Variants in SNX2 observed in about 807,000 individuals in gnomAD.
SNX2 encodes the protein sorting nexin-2.
In SNX2, 25 loss-of-function variants were observed where a neutral mutation model predicts 69.9. The ratio of observed to expected loss-of-function variants is 0.36; its 90% CI spans 0.26 to 0.50. The LOEUF is 0.50. SNX2 is among the 20% of genes least tolerant of loss of function. SNX2 has a pLI of 0.97. For synonymous variants in SNX2, 229 were observed against 200.4 expected, an observed-to-expected ratio of 1.14 and a Z score of -1.20; for missense variants, 551 against 613.3, an observed-to-expected ratio of 0.90 and a Z score of 1.07.
At chr5:122,783,595 A>G (rs997984455) in intron 1 of SNX2, among the ~76,000 whole-genome samples, 2 of 152,136 alleles carry the variant, frequency 1.3e-5, no homozygotes, top group African/African-American at 4.8e-5. Flanking sequence ...TGAACTGACC[A>G]TATATATGTG....
chr5:122,781,862 A>G (rs1378609863), intron 1 of SNX2, among the ~76,000 whole-genome samples: 2 of 151,984 alleles, frequency 1.3e-5, no homozygotes, highest in Non-Finnish European at 2.9e-5. Context: ...ATTTTTATTA[A>G]TGTTATAAAT....
At chr5:122,775,774 T>C in intron 1 of SNX2, 1 of 985,296 alleles carries the variant, frequency 1.0e-6, no homozygotes, top group Non-Finnish European at 1.2e-6. Flanking sequence ...TAAATGCATT[T>C]GCCTCTTTTT....
At chr5:122,826,686 C>G in intron 12 of SNX2, 1 of 961,968 alleles carries the variant, frequency 1.0e-6, no homozygotes, top group Non-Finnish European at 1.2e-6. Flanking sequence ...ATAAATGTAC[C>G]TGCCCTTTGA....
chr5:122,832,146 G>A lies in SNX2; in HGVS notation c.*2498G>A, dbSNP rs1049904312. Among the ~76,000 whole-genome samples the A allele has an allele frequency of 3.9e-5, 6 of 152,282 alleles. No homozygotes were observed. Among genetic ancestry groups the A allele is most frequent in the African/African-American group, 9.6e-5 (4 of 41,562 alleles). On this transcript the variant is annotated 3_prime_UTR_variant, in exon 15 of 15. Transcript: ENST00000379516. ...GTTTGTTTTCTTAATGAGATCAAAA[G>A]TTAAAGACCAAGGCAGCAAAATATT... is the stretch of plus-strand genomic sequence containing the variant.
intron 2 of SNX2, among the ~76,000 whole-genome samples, chr5:122,798,016 A>G (rs1753423108): frequency 1.3e-5 from 2 of 152,126 alleles, no homozygotes; most frequent in Non-Finnish European, 1.5e-5. Context: ...TTTCTTAATA[A>G]AGTTACTATC....
At position 122,816,910 on chromosome 5, in the gene SNX2, T is replaced by G. The variant is rs749737561; in HGVS notation, c.799-5T>G. The G allele has an allele frequency of 1.3e-6, 2 of 1,592,536 alleles. No homozygotes were observed. Among genetic ancestry groups the G allele is most frequent in the South Asian group, 2.2e-5 (2 of 89,756 alleles). On this transcript the variant is annotated splice_polypyrimidine_tract_variant and splice_region_variant and intron_variant, in intron 8 of 14. Coordinates refer to ENST00000379516, the MANE Select transcript of SNX2 (RefSeq NM_003100.4). ...TGTTTGCCCTTATTTGTCATTCAATTCCAGCTGCCTAGAGCAGTTAATACA... is the reference window on the plus strand; with the variant it reads ...TGTTTGCCCTTATTTGTCATTCAATGCCAGCTGCCTAGAGCAGTTAATACA...
intron 14 of SNX2, chr5:122,827,997 A>G: frequency 5.6e-6 from 1 of 178,682 alleles, no homozygotes; most frequent in East Asian, 1.5e-4. Flanking sequence ...TTCCATAACA[A>G]ATAGAACTTA....
chr5:122,783,230 C>G (rs1753015353), intron 1 of SNX2, among the ~76,000 whole-genome samples: 1 of 152,142 alleles, frequency 6.6e-6, no homozygotes, highest in Admixed American at 6.5e-5. Flanking sequence ...TAGGCGTGAG[C>G]CACCGCGCCT....
chr5:122,825,369 C>T (rs1037374764), intron 11 of SNX2, among the ~76,000 whole-genome samples: 5 of 151,952 alleles, frequency 3.3e-5, no homozygotes, highest in Non-Finnish European at 7.4e-5. Context: ...TTTCTCTATT[C>T]ACTTGCCCTT....
intron 5 of SNX2, among the ~76,000 whole-genome samples, chr5:122,803,152 G>T (rs1005198553): frequency 1.3e-5 from 2 of 152,128 alleles, no homozygotes; most frequent in African/African-American, 2.4e-5. Flanking sequence ...AAGTGGAGGG[G>T]TATTTGGATA....
At chr5:122,817,157 T>G (rs1753918145) in intron 9 of SNX2, 123 bp from the exon 10 acceptor site, 1 of 1,127,880 alleles carries the variant, frequency 8.9e-7, no homozygotes, top group Admixed American at 1.9e-5. Context: ...CCACATCAGT[T>G]GGCCACCATG....
At chr5:122,808,458 C>CAAGTGGTACTTTGGAA in intron 7 of SNX2, 103 bp downstream of exon 7, 1 of 778,404 alleles carries the variant, frequency 1.3e-6, no homozygotes, top group Non-Finnish European at 2.0e-6. Flanking sequence ...AAATTTTTTC[C>CAAGTGGTACTTTGGAA]AAAGTACCAC....
chr5:122,801,499 A>T (rs568500912), intron 3 of SNX2, among the ~76,000 whole-genome samples: 6 of 151,646 alleles, frequency 4.0e-5, no homozygotes, highest in African/African-American at 1.5e-4. Flanking sequence ...CAGCTACTTG[A>T]GAGGCCAAGG....
intron 3 of SNX2, among the ~76,000 whole-genome samples, chr5:122,801,534 G>A (rs1057337029): frequency 6.6e-6 from 1 of 151,720 alleles, no homozygotes; most frequent in Non-Finnish European, 1.5e-5. Context: ...GAACCCAGGA[G>A]GTGGAGGTTG....
At chr5:122,792,404 A>G (rs1204540987) in intron 1 of SNX2, among the ~76,000 whole-genome samples, 1 of 152,106 alleles carries the variant, frequency 6.6e-6, no homozygotes, top group African/African-American at 2.4e-5. Context: ...GATCAGCCTC[A>G]CCAACATGGT....
intron 6 of SNX2, among the ~76,000 whole-genome samples, chr5:122,807,032 T>C (rs918024473): frequency 8.5e-5 from 13 of 152,182 alleles, no homozygotes; most frequent in Admixed American, 7.2e-4. Flanking sequence ...ATGCCTGTAA[T>C]CCTAGCACTT....
At chr5:122,803,655 C>T in intron 6 of SNX2, 42 bp downstream of exon 6, 1 of 1,500,514 alleles carries the variant, frequency 6.7e-7, no homozygotes, top group South Asian at 1.3e-5. Flanking sequence ...GTTACTGTTA[C>T]TAGTTCAGTT....
At chr5:122,816,872 C>T (rs1461869291) in intron 8 of SNX2, 43 bp from the exon 9 acceptor site, 1 of 1,229,776 alleles carries the variant, frequency 8.1e-7, no homozygotes, top group South Asian at 1.3e-5. Flanking sequence ...AACCTCCAGG[C>T]TTTTAACCGG....
At chr5:122,819,864 G>A (rs532578166) in intron 11 of SNX2, among the ~76,000 whole-genome samples, 1 of 152,056 alleles carries the variant, frequency 6.6e-6, no homozygotes, top group Non-Finnish European at 1.5e-5. Flanking sequence ...TCTACAATGA[G>A]CATATTTATT....
Sources: allele counts gnomAD v4.1 joint callset (sites outside exome capture counted in the v4.1 genomes callset), GRCh38; gene constraint gnomAD v4.1.1; transcripts MANE v1.5; gene names NCBI Gene and HGNC (gene_info 2026-07-23, HGNC 2026-07-21).